Variants in GPM6B observed in about 807,000 individuals in gnomAD.
GPM6B encodes glycoprotein M6B, also known as neuronal membrane glycoprotein M6-b.
GPM6B carries 4 observed loss-of-function variants against 27.2 expected under a neutral mutation model. The ratio of observed to expected loss-of-function variants is 0.15; its 90% CI spans 0.07 to 0.34. The LOEUF (loss-of-function observed/expected upper bound fraction) is 0.34, where lower values mean the gene tolerates loss of function less well. Among genes scored for constraint, GPM6B ranks in the 10% least tolerant of loss-of-function variants. The pLI, the probability that GPM6B is intolerant of heterozygous loss-of-function variation, is 1.00. For missense variants in GPM6B, 183 were observed against 261.9 expected (o/e 0.70, Z 2.08); for synonymous variants, 124 against 103.1 (o/e 1.20, Z -1.23).
chrX:13,787,692 G>A (rs2048639126), intron 2 of GPM6B, among the ~76,000 whole-genome samples: 1 of 112,286 alleles, frequency 8.9e-6, no homozygotes, highest in Non-Finnish European at 1.9e-5. Flanking sequence ...ATGACTTTCT[G>A]GGGACTGAGG....
chrX:13,857,392 A>C (rs1334396254), intron 1 of GPM6B, among the ~76,000 whole-genome samples: 1 of 112,167 alleles, frequency 8.9e-6, no homozygotes, highest in African/African-American at 3.3e-5. Context: ...TAAAGAAGCC[A>C]AAAGTACAGA....
In GPM6B at chrX:13,785,609, A is replaced by G. The variant is rs1315458378; in HGVS notation, c.368+13T>C. 1 of 1,205,390 alleles carries G rather than the reference A, an allele frequency of 8.3e-7. No individual in the cohort carries two copies. The highest frequency in any genetic ancestry group is 1.1e-6 in the Non-Finnish European group (1 of 891,091). ...GGCCTTAGATGCATTTTTAAAGGGA[A>G]CCGGATACTTACACCTCGCTCAGCA... On this transcript the variant is annotated intron_variant, in intron 3 of 7. Coordinates refer to ENST00000316715, the MANE Select transcript of GPM6B (RefSeq NM_001001995.3).
chrX:13,844,302 T>G (rs973457308), intron 1 of GPM6B, among the ~76,000 whole-genome samples: 2 of 112,759 alleles, frequency 1.8e-5, no homozygotes, highest in Non-Finnish European at 3.7e-5. Context: ...TAGTTTTGGC[T>G]ATTTTGGCAT....
At chrX:13,795,956 C>T (rs958342227) in intron 2 of GPM6B, among the ~76,000 whole-genome samples, 3 of 109,305 alleles carry the variant, frequency 2.7e-5, no homozygotes, top group Admixed American at 9.8e-5. Flanking sequence ...GATGGAGTTT[C>T]ACTCTTGTTG....
chrX:13,865,541 T>TAAAAAAAAA (rs1569271152), intron 1 of GPM6B, among the ~76,000 whole-genome samples: 247 of 3,003 alleles, frequency 0.082, 10 homozygotes, highest in African/African-American at 0.18. Context: ...ATCCATCTCT[T>TAAAAAAAAA]CAAAAAAAAA....
At position 13,891,101 on chromosome X, in the gene GPM6B, C is replaced by T. The variant is rs146530089; in HGVS notation, c.-198+47226G>A. Among the ~76,000 whole-genome samples the T allele has an allele frequency of 4.6e-3, 514 of 110,867 alleles. 2 individuals are homozygous for T. The highest frequency in any genetic ancestry group is 0.016 in the African/African-American group (496 of 30,370). On this transcript the variant is annotated intron_variant, in intron 1 of 6. Coordinates refer to the GPM6B transcript ENST00000398361. ...CACTGAACTAGTGTTTAGATTGATG[C>T]AAAAGTAATTTCAGTTTTTGCCATT...
At chrX:13,800,726 T>C (rs2048906001) in intron 2 of GPM6B, among the ~76,000 whole-genome samples, 1 of 111,968 alleles carries the variant, frequency 8.9e-6, no homozygotes, top group Non-Finnish European at 1.9e-5. Context: ...TGGCCTTCTA[T>C]GTATATAGCA....
At chrX:13,773,089 G>T in intron 7 of GPM6B, 59 bp from the exon 8 acceptor site, 1 of 1,067,377 alleles carries the variant, frequency 9.4e-7, no homozygotes, top group Non-Finnish European at 1.3e-6. Flanking sequence ...AAAGCGAGGC[G>T]CTAGTTAGAT....
intron 1 of GPM6B, among the ~76,000 whole-genome samples, chrX:13,914,775 C>G (rs780862985): frequency 8.9e-6 from 1 of 111,895 alleles, no homozygotes; most frequent in South Asian, 3.7e-4. Context: ...AGCATCCATA[C>G]AGCAAACTGT....
chrX:13,843,476 G>T (rs2049605269), intron 1 of GPM6B, among the ~76,000 whole-genome samples: 1 of 111,835 alleles, frequency 8.9e-6, no homozygotes, highest in East Asian at 2.8e-4. Flanking sequence ...AGAATTGTTG[G>T]GTCATATGGT....
chrX:13,777,652 A>G (rs1055433385), intron 5 of GPM6B, among the ~76,000 whole-genome samples: 1 of 112,567 alleles, frequency 8.9e-6, no homozygotes, highest in African/African-American at 3.2e-5. Context: ...AAACAGCCTG[A>G]TATTTTTTTC....
At chrX:13,925,010 C>T in intron 1 of GPM6B, among the ~76,000 whole-genome samples, 1 of 112,262 alleles carries the variant, frequency 8.9e-6, no homozygotes, top group South Asian at 3.7e-4. Context: ...AAGCAAGCAG[C>T]TAAAACTCAG....
chrX:13,801,665 T>C (rs1426434933), intron 2 of GPM6B, among the ~76,000 whole-genome samples: 2 of 111,713 alleles, frequency 1.8e-5, no homozygotes, highest in Admixed American at 9.5e-5. Flanking sequence ...CAGCCTCGTC[T>C]GTCAAATCCT....
chrX:13,920,622 T>C (rs751634494), intron 1 of GPM6B, among the ~76,000 whole-genome samples: 3 of 111,645 alleles, frequency 2.7e-5, no homozygotes, highest in South Asian at 7.5e-4. Context: ...CCGGGTGCAG[T>C]GGCTCACGCC....
intron 1 of GPM6B, among the ~76,000 whole-genome samples, chrX:13,822,363 ATTTT>A (rs58011078): frequency 9.8e-6 from 1 of 102,254 alleles, no homozygotes; most frequent in Admixed American, 1.0e-4. Flanking sequence ...AGTGACTCCT[ATTTT>A]TTTTTTTTCT....
At chrX:13,886,916 C>T (rs775283979) in intron 1 of GPM6B, among the ~76,000 whole-genome samples, 9 of 109,562 alleles carry the variant, frequency 8.2e-5, no homozygotes, top group Non-Finnish European at 1.3e-4. Flanking sequence ...TCCAGGGTTC[C>T]AGTGATTCTC....
At position 13,826,887 on chromosome X, in the gene GPM6B, C is replaced by T. The variant is rs774464641; in HGVS notation, c.-197-41079G>A. On this transcript the variant is annotated intron_variant, in intron 1 of 6. Transcript: ENST00000398361. ...ACTTGGATTCTCTCATTAAGAGTGG[C>T]ACAATGAGCATTCCCTGTGAGGGCC... 5.3e-3 allele frequency among the ~76,000 whole-genome samples: 586 copies of T among 110,913 alleles called. 3 individuals carry two copies. Among genetic ancestry groups the T allele is most frequent in the Non-Finnish European group, 9.6e-3 (508 of 52,925 alleles).
chrX:13,837,497 C>G (rs746381308), intron 1 of GPM6B, among the ~76,000 whole-genome samples: 2 of 111,497 alleles, frequency 1.8e-5, no homozygotes, highest in Non-Finnish European at 3.8e-5. Flanking sequence ...TCACGGGTGA[C>G]TGGAGGTGCC....
At chrX:13,874,893 T>C (rs920078213) in intron 1 of GPM6B, among the ~76,000 whole-genome samples, 5 of 110,239 alleles carry the variant, frequency 4.5e-5, no homozygotes, top group African/African-American at 1.7e-4. Flanking sequence ...AATGCTATTA[T>C]TGTTATTTTG....
Sources: gnomAD v4.1 joint callset for allele counts (sites outside exome capture counted in the v4.1 genomes callset) on GRCh38, gnomAD v4.1.1 for gene constraint, MANE v1.5 for transcripts, NCBI Gene and HGNC (gene_info 2026-07-23, HGNC 2026-07-21) for gene names.